KCNQ1OT1: variants seen among roughly 807,000 people sequenced by gnomAD.
KCNQ1OT1 encodes KCNQ1 opposite strand/antisense transcript 1.
exon 1 of KCNQ1OT1, chr11:2,694,100 C>T (rs2133895476): frequency 5.0e-6 from 2 of 398,630 alleles, no homozygotes; most frequent in East Asian, 7.1e-5. Flanking sequence ...GGTGGCAGCC[C>T]ATAGGTTGTG....
exon 1 of KCNQ1OT1, chr11:2,649,167 G>A: frequency 2.5e-6 from 1 of 397,754 alleles, no homozygotes; most frequent in Non-Finnish European, 4.4e-6. Flanking sequence ...AATTCATTTA[G>A]CCAGTATCTA....
exon 1 of KCNQ1OT1, chr11:2,699,550 G>C (rs993980937): frequency 3.2e-6 from 1 of 312,534 alleles, no homozygotes; most frequent in East Asian, 5.6e-5. Flanking sequence ...AGGGAGGACC[G>C]CGCGGAGGAG....
Position 2,683,013 on chromosome 11 carries a change from C to A in KCNQ1OT1, n.16982G>T. ...TCCCTTGTGCTGTGCAGCCTTAGTTCTGCCTCCTGAGAGAGGTGACCTTCT... is the reference window on the plus strand; with the variant it reads ...TCCCTTGTGCTGTGCAGCCTTAGTTATGCCTCCTGAGAGAGGTGACCTTCT... On this transcript the variant is annotated non_coding_transcript_exon_variant, in exon 1 of 1. Coordinates refer to ENST00000597346, the Ensembl canonical transcript of KCNQ1OT1. The surrounding 1 kb of genome is among the most constrained non-coding windows in gnomAD (Gnocchi z 4.7). 1 of 398,638 alleles carries A rather than the reference C, an allele frequency of 2.5e-6. No individual in the cohort carries two copies. The highest frequency in any genetic ancestry group is 1.3e-4 in the South Asian group (1 of 7,828). 24.7% of individuals were successfully genotyped at this position (398,638 alleles called of 1,614,324 possible).
Position 2,620,211 on chromosome 11 carries a change from A to ATATATT in KCNQ1OT1, n.79783_79784insAATATA, listed in dbSNP as rs1383035176. 6.1e-3 allele frequency: 1,604 copies of ATATATT among 261,902 alleles called. 18 individuals are homozygous for ATATATT. Among genetic ancestry groups the ATATATT allele is most frequent in the African/African-American group, 0.031 (1,164 of 38,066 alleles). The allele number at this position is 261,902 out of a possible 1,614,324, so 16.2% of individuals were successfully genotyped here. A position where few individuals can be genotyped will look rare whatever the true frequency, so the allele number is the denominator to read the frequency against. On this transcript the variant is annotated non_coding_transcript_exon_variant, in exon 1 of 1. Transcript: ENST00000597346. The surrounding 1 kb of genome is among the most constrained non-coding windows in gnomAD (Gnocchi z 4.5). Reference sequence around the variant, plus strand: ...TAAGTTCATTCATGTATATATATATATTTTTTTTTTTTATTTTTTTTTTAG... The same window carrying ATATATT: ...TAAGTTCATTCATGTATATATATATATATATTTTTTTTTTTTTTATTTTTTTTTTAG...
chr11:2,622,035 T>G (rs1849181971), exon 1 of KCNQ1OT1: 1 of 397,324 alleles, frequency 2.5e-6, no homozygotes, highest in Non-Finnish European at 4.4e-6. Context: ...TTAGAACTGC[T>G]TTTGCTGCAT....
At position 2,682,512 on chromosome 11, in the gene KCNQ1OT1, G is replaced by C. The variant is rs148903412; in HGVS notation, n.17483C>G. 642 of 397,878 alleles carry C rather than the reference G, an allele frequency of 1.6e-3. 1 individual carries two copies. The highest frequency in any genetic ancestry group is 0.012 in the African/African-American group (575 of 48,270). 24.6% of individuals were successfully genotyped at this position (397,878 alleles called of 1,614,324 possible). On this transcript the variant is annotated non_coding_transcript_exon_variant, in exon 1 of 1. Transcript: ENST00000597346. This position sits in a 1 kb window ranked among gnomAD's most constrained non-coding sequence, Gnocchi z 5.8. Reference sequence around the variant, plus strand: ...TGAGTGAGTGAGTGAGTGAGTACTTGTGCCCAGGTCAAACCAGGTGCTAGG... The same window carrying C: ...TGAGTGAGTGAGTGAGTGAGTACTTCTGCCCAGGTCAAACCAGGTGCTAGG...
chr11:2,640,399 C>T (rs553497284), exon 1 of KCNQ1OT1: 4 of 398,546 alleles, frequency 1.0e-5, no homozygotes, highest in Non-Finnish European at 1.8e-5. Flanking sequence ...CATTCTCCAT[C>T]CTTGACCCCT....
Position 2,654,312 on chromosome 11 carries a change from G to T in KCNQ1OT1, n.45683C>A. The T allele has an allele frequency of 2.5e-6, 1 of 398,840 alleles. No homozygotes were observed. Among genetic ancestry groups the T allele is most frequent in the Non-Finnish European group, 4.4e-6 (1 of 226,288 alleles). 24.7% of individuals were successfully genotyped at this position (398,840 alleles called of 1,614,324 possible). A position where few individuals can be genotyped will look rare whatever the true frequency, so the allele number is the denominator to read the frequency against. On this transcript the variant is annotated non_coding_transcript_exon_variant, in exon 1 of 1. Transcript: ENST00000597346. The surrounding 1 kb of genome is among the most constrained non-coding windows in gnomAD (Gnocchi z 6.4). ...CACTGAGAGGGGGAGATTTCTTGAG[G>T]GGGCCAGGGAGGGGGCTTCTACTTG... is the stretch of plus-strand genomic sequence containing the variant.
rs1186370175 is a variant in KCNQ1OT1 at position 2,674,751 on chromosome 11, G to A, written n.25244C>T. On this transcript the variant is annotated non_coding_transcript_exon_variant, in exon 1 of 1. Transcript: ENST00000597346. This position sits in a 1 kb window ranked among gnomAD's most constrained non-coding sequence, Gnocchi z 5.9. ...ACTCGTTAAAGTTGCTCCAATCCCA[G>A]CCCAGTGCCAGACCAGCTTCCTGGA... 2.6e-6 allele frequency: 1 copy of A among 385,942 alleles called. No individual in the cohort carries two copies. Among genetic ancestry groups the A allele is most frequent in the Non-Finnish European group, 4.5e-6 (1 of 221,992 alleles). The allele number at this position is 385,942 out of a possible 1,614,324, so 23.9% of individuals were successfully genotyped here.
Position 2,645,157 on chromosome 11 carries a change from C to T in KCNQ1OT1, n.54838G>A. 3 of 398,660 alleles carry T rather than the reference C, an allele frequency of 7.5e-6. No homozygotes were observed. The highest frequency in any genetic ancestry group is 1.3e-5 in the Non-Finnish European group (3 of 226,106). The allele number at this position is 398,660 out of a possible 1,614,324, so 24.7% of individuals were successfully genotyped here. The stretch of plus-strand genomic sequence containing the variant: ...AGTGGCAGAACAATCTTCTGCCTCC[C>T]AAGGTGTCCATGCTGGTATTGGGAT... On this transcript the variant is annotated non_coding_transcript_exon_variant, in exon 1 of 1. Coordinates refer to ENST00000597346, the Ensembl canonical transcript of KCNQ1OT1. This position sits in a 1 kb window ranked among gnomAD's most constrained non-coding sequence, Gnocchi z 5.8.
At chr11:2,684,702 A>G (rs1202453822) in exon 1 of KCNQ1OT1, 2 of 398,536 alleles carry the variant, frequency 5.0e-6, no homozygotes, top group Non-Finnish European at 8.8e-6. Flanking sequence ...GCACTTGCTC[A>G]GGCGGAGGGG....
exon 1 of KCNQ1OT1, chr11:2,634,102 G>A: frequency 2.6e-6 from 1 of 385,928 alleles, no homozygotes; most frequent in South Asian, 1.4e-4. Flanking sequence ...TAAGGATTGT[G>A]TTTTTGCTAT....
At chr11:2,684,748 AAAG>A in exon 1 of KCNQ1OT1, 2 of 398,618 alleles carry the variant, frequency 5.0e-6, no homozygotes, top group Non-Finnish European at 8.8e-6. Context: ...GCCTGGGAGA[AAAG>A]GGGTAAGGGA....
At chr11:2,681,820 A>C (rs938073492) in exon 1 of KCNQ1OT1, 1 of 398,406 alleles carries the variant, frequency 2.5e-6, no homozygotes, top group Admixed American at 4.4e-5. Flanking sequence ...GGTTATGGTC[A>C]TATCATCCAT....
chr11:2,620,215 T>A lies in KCNQ1OT1; in HGVS notation n.79780A>T, dbSNP rs200391321. 42,016 of 250,546 alleles carry A rather than the reference T, an allele frequency of 0.17. 4,134 individuals are homozygous for A. Among genetic ancestry groups the A allele is most frequent in the South Asian group, 0.35 (1,912 of 5,394 alleles). The allele number at this position is 250,546 out of a possible 1,614,324, so 15.5% of individuals were successfully genotyped here. A position where few individuals can be genotyped will look rare whatever the true frequency, so the allele number is the denominator to read the frequency against. ...TTCATTCATGTATATATATATATTT[T>A]TTTTTTTTATTTTTTTTTTAGACGG... On this transcript the variant is annotated non_coding_transcript_exon_variant, in exon 1 of 1. Transcript: ENST00000597346. The surrounding 1 kb of genome is among the most constrained non-coding windows in gnomAD (Gnocchi z 4.5).
At chr11:2,619,065 G>A (rs1849118939) in exon 1 of KCNQ1OT1, 1 of 398,254 alleles carries the variant, frequency 2.5e-6, no homozygotes, top group South Asian at 1.3e-4. Flanking sequence ...AGTTCTAACA[G>A]GTTGCTTTGT....
At position 2,670,722 on chromosome 11, in the gene KCNQ1OT1, G is replaced by A. The variant is rs950245739; in HGVS notation, n.29273C>T. ...ATTCTGTGGCCCATGGAGCAGGAGG[G>A]AACAGTCTGCAGATATTATCTGGGC... On this transcript the variant is annotated non_coding_transcript_exon_variant, in exon 1 of 1. Coordinates refer to ENST00000597346, the Ensembl canonical transcript of KCNQ1OT1. This position sits in a 1 kb window ranked among gnomAD's most constrained non-coding sequence, Gnocchi z 4.9. The A allele has an allele frequency of 4.8e-5, 19 of 398,488 alleles. No individual in the cohort carries two copies. The highest frequency in any genetic ancestry group is 8.0e-5 in the Non-Finnish European group (18 of 226,108). The allele number at this position is 398,488 out of a possible 1,614,324, so 24.7% of individuals were successfully genotyped here.
chr11:2,633,768 T>A, exon 1 of KCNQ1OT1: 1 of 398,588 alleles, frequency 2.5e-6, no homozygotes, highest in East Asian at 3.6e-5. Context: ...TTACCATTGT[T>A]TTGTATACAA....
exon 1 of KCNQ1OT1, chr11:2,686,051 G>C (rs1850484479): frequency 2.5e-6 from 1 of 399,160 alleles, no homozygotes; most frequent in African/African-American, 2.1e-5. Flanking sequence ...CCATCTGATG[G>C]GGCAGGGGCA....
Sources: gnomAD v4.1 joint callset for allele counts on GRCh38, gnomAD v4.1.1 for gene constraint, Gnocchi (gnomAD v3.1) non-coding constraint, MANE v1.5 for transcripts, NCBI Gene and HGNC (gene_info 2026-07-23, HGNC 2026-07-21) for gene names.